Variants in PRDM5 observed in about 807,000 individuals in gnomAD.
PRDM5 encodes the protein PR domain zinc finger protein 5.
A neutral mutation model predicts 81.2 loss-of-function variants in PRDM5; 56 were observed. That is an observed-to-expected ratio of 0.69 (90% CI 0.56 to 0.86). PRDM5 has a LOEUF of 0.86. Ranked by LOEUF, PRDM5 falls within the 40% of genes least tolerant of loss-of-function variation. The pLI is 0.00. For missense variants in PRDM5, 697 were observed against 770.1 expected (o/e 0.91, Z 1.12); for synonymous variants, 267 against 256.4 (o/e 1.04, Z -0.39).
chr4:120,713,223 C>T (rs994643473), intron 14 of PRDM5, among the ~76,000 whole-genome samples: 1 of 151,894 alleles, frequency 6.6e-6, no homozygotes, highest in Admixed American at 6.6e-5. Flanking sequence ...TCTTTTTTAC[C>T]TTGAAATTAA....
chr4:120,806,419 G>A (rs1752952964), intron 8 of PRDM5, among the ~76,000 whole-genome samples: 1 of 152,146 alleles, frequency 6.6e-6, no homozygotes, highest in Admixed American at 6.5e-5. Context: ...GAACAAAGCT[G>A]GAGGCATCAC....
At chr4:120,684,751 T>C (rs559868165), downstream of PRDM5, among the ~76,000 whole-genome samples, 1 of 151,890 alleles carries the variant, frequency 6.6e-6, no homozygotes, top group South Asian at 2.1e-4. Flanking sequence ...TCAAAAATTA[T>C]CTCAAAGAAT....
Position 120,913,103 on chromosome 4 carries a change from G to C in PRDM5, c.94-5546C>G, listed in dbSNP as rs568963945. Reference sequence around the variant, plus strand: ...GTACTAGAACACTGATCGTGTTAAGGGTACTAATGTATCCAGGTAAAATAC... The same window carrying C: ...GTACTAGAACACTGATCGTGTTAAGCGTACTAATGTATCCAGGTAAAATAC... On this transcript the variant is annotated intron_variant, in intron 1 of 15. Coordinates refer to ENST00000264808, the MANE Select transcript of PRDM5 (RefSeq NM_018699.4). Among the ~76,000 whole-genome samples the C allele has an allele frequency of 2.2e-4, 34 of 152,276 alleles. No homozygotes were observed. The East Asian group carries it at 4.6e-3, about 21-fold the overall frequency.
At chr4:120,697,382 A>G (rs1450419098) in intron 15 of PRDM5, among the ~76,000 whole-genome samples, 4 of 152,228 alleles carry the variant, frequency 2.6e-5, no homozygotes, top group Non-Finnish European at 5.9e-5. Flanking sequence ...AGATTTATAT[A>G]CATGATGCTC....
At chr4:120,852,111 G>A (rs72680434) in intron 3 of PRDM5, among the ~76,000 whole-genome samples, 27,571 of 151,910 alleles carry the variant, frequency 0.18, 2,960 homozygotes, top group East Asian at 0.29. Flanking sequence ...AAACTATATC[G>A]TTTTCTCTTC....
At chr4:120,814,954 G>T (rs1754297984) in intron 7 of PRDM5, among the ~76,000 whole-genome samples, 1 of 152,116 alleles carries the variant, frequency 6.6e-6, no homozygotes, top group South Asian at 2.1e-4. Flanking sequence ...TAAATTTCCA[G>T]AATTAATAAT....
At chr4:120,873,234 C>G (rs1428215391) in intron 2 of PRDM5, among the ~76,000 whole-genome samples, 1 of 152,066 alleles carries the variant, frequency 6.6e-6, no homozygotes, top group Non-Finnish European at 1.5e-5. Flanking sequence ...GAACTCCTAA[C>G]CTGAAGTGAT....
intron 14 of PRDM5, among the ~76,000 whole-genome samples, chr4:120,730,734 A>G (rs1381810612): frequency 6.6e-6 from 1 of 152,216 alleles, no homozygotes; most frequent in Non-Finnish European, 1.5e-5. Flanking sequence ...GTATATTATT[A>G]AAGTCTAAAG....
At position 120,710,392 on chromosome 4, in the gene PRDM5, C is replaced by G; in HGVS notation, c.1645G>C (p.Glu549Gln). The G allele has an allele frequency of 6.2e-7, 1 of 1,614,090 alleles. No homozygotes were observed. The change falls in exon 15 of 16, where the codon GAG becomes CAG. Residue 549 changes from glutamate (E) to glutamine (Q), a missense_variant. Coordinates refer to ENST00000264808, the MANE Select transcript of PRDM5 (RefSeq NM_018699.4). ...TTCTGGCTGAAGGCCTTGCTGCACT[C>G]TGAGCACTTGTACGGCTTCTCCTGC... Reference protein sequence around the residue: ...HTREKPYKCSECSKAFSQKRG... With the variant: ...HTREKPYKCSQCSKAFSQKRG...
chr4:120,812,339 G>A (rs189541354), intron 7 of PRDM5, among the ~76,000 whole-genome samples: 12 of 152,122 alleles, frequency 7.9e-5, no homozygotes, highest in Admixed American at 5.9e-4. Flanking sequence ...AGTCTTTTGA[G>A]TAACCACCAT....
At chr4:120,809,774 G>C (rs1245860416) in intron 8 of PRDM5, among the ~76,000 whole-genome samples, 1 of 152,190 alleles carries the variant, frequency 6.6e-6, no homozygotes, top group African/African-American at 2.4e-5. Flanking sequence ...GTCAATAAAA[G>C]TTGACTATGG....
At chr4:120,837,687 T>C (rs1219330198) in intron 3 of PRDM5, 2 of 152,258 alleles carry the variant, frequency 1.3e-5, no homozygotes, top group African/African-American at 4.8e-5. Flanking sequence ...AGTCCAGAAA[T>C]GGGCATGGAA....
At chr4:120,808,928 G>A (rs112671133) in intron 8 of PRDM5, among the ~76,000 whole-genome samples, 38,760 of 152,146 alleles carry the variant, frequency 0.25, 5,656 homozygotes, top group East Asian at 0.35. Flanking sequence ...AGGCAGCCCC[G>A]GTTCCCGCCT....
intron 15 of PRDM5, among the ~76,000 whole-genome samples, chr4:120,703,889 C>CT (rs962059113): frequency 2.0e-5 from 3 of 151,738 alleles, no homozygotes; most frequent in African/African-American, 7.3e-5. Flanking sequence ...TGAGCTCACC[C>CT]TACTTTTTCC....
intron 13 of PRDM5, among the ~76,000 whole-genome samples, chr4:120,773,964 T>C (rs1316456965): frequency 3.3e-5 from 5 of 152,236 alleles, no homozygotes; most frequent in Non-Finnish European, 4.4e-5. Flanking sequence ...TATAAAAATA[T>C]GTATGCTAAC....
At chr4:120,707,665 G>GA (rs887149632) in intron 15 of PRDM5, among the ~76,000 whole-genome samples, 1 of 151,316 alleles carries the variant, frequency 6.6e-6, no homozygotes, top group East Asian at 1.9e-4. Context: ...ATCAAATAGA[G>GA]AAAAAAATGC....
chr4:120,858,313 A>G (rs1346636689), intron 2 of PRDM5, among the ~76,000 whole-genome samples: 1 of 152,166 alleles, frequency 6.6e-6, no homozygotes, highest in Non-Finnish European at 1.5e-5. Context: ...CCTTGCCTTC[A>G]GTGTTTAATT....
At position 120,767,082 on chromosome 4, in the gene PRDM5, T is replaced by G. The variant is rs542234732; in HGVS notation, c.1537+10106A>C. On this transcript the variant is annotated intron_variant, in intron 13 of 15. Transcript: ENST00000264808. ...ACAACCAGTTGGTTATTTAAGGTAG[T>G]GAAGGATAAAATCAATCATAAAATG... Among the ~76,000 whole-genome samples, 6 of 152,188 alleles carry G rather than the reference T, an allele frequency of 3.9e-5. No homozygotes were observed. The East Asian group carries it at 1.2e-3, about 29-fold the overall frequency.
chr4:120,818,603 AAATT>A (rs1223973264), intron 4 of PRDM5, 76 bp from the exon 5 acceptor site: 12 of 1,247,826 alleles, frequency 9.6e-6, no homozygotes, highest in Admixed American at 1.7e-5. Context: ...CTCTCATTTT[AAATT>A]AATTAATTAA....
Sources: gnomAD v4.1 joint callset for allele counts (sites outside exome capture counted in the v4.1 genomes callset) on GRCh38, gnomAD v4.1.1 for gene constraint, MANE v1.5 for transcripts, NCBI Gene and HGNC (gene_info 2026-07-23, HGNC 2026-07-21) for gene names.